Variants in DNAH11 observed in about 807,000 individuals in gnomAD.
DNAH11 encodes dynein axonemal heavy chain 11.
In DNAH11, 442 loss-of-function variants were observed where a neutral mutation model predicts 526.0. That is an observed-to-expected ratio of 0.84 (90% CI 0.78 to 0.91). The LOEUF is 0.91. Ranked by LOEUF, DNAH11 falls within the 40% of genes least tolerant of loss-of-function variation. DNAH11 has a pLI of 0.00. For missense variants in DNAH11, 6,989 were observed against 5,448.7 expected, an observed-to-expected ratio of 1.28 and a Z score of -8.90; for synonymous variants, 2,461 against 1,935.9, an observed-to-expected ratio of 1.27 and a Z score of -7.12.
At position 21,808,033 on chromosome 7, in the gene DNAH11, C is replaced by G; in HGVS notation, c.10316C>G (p.Pro3439Arg). 1 of 1,543,728 alleles carries G rather than the reference C, an allele frequency of 6.5e-7. No homozygotes were observed. The highest frequency in any genetic ancestry group is 8.8e-7 in the Non-Finnish European group (1 of 1,133,582). Reference sequence around the variant, plus strand: ...GAGCTGGTGCACTGCAAGTGGGTTCCCTTTCTTCAACAGAAGGTAAGTTCA... The same window carrying G: ...GAGCTGGTGCACTGCAAGTGGGTTCGCTTTCTTCAACAGAAGGTAAGTTCA... ...RQELVHCKWV[P>R]FLQQKVSIPL... Residue 3439 changes from proline (P) to arginine (R), a missense_variant, in exon 63 of 82, where the codon CCC becomes CGC. Pro to Arg is a moderately radical substitution (Grantham distance 103). Coordinates refer to ENST00000409508, the MANE Select transcript of DNAH11 (RefSeq NM_001277115.2).
At chr7:21,766,155 A>T (rs893284037) in intron 55 of DNAH11, among the ~76,000 whole-genome samples, 1 of 152,196 alleles carries the variant, frequency 6.6e-6, no homozygotes, top group South Asian at 2.1e-4. Context: ...TTTCTTCATG[A>T]TGACAAATTT....
intron 30 of DNAH11, among the ~76,000 whole-genome samples, chr7:21,680,423 AT>A (rs1449937247): frequency 6.6e-6 from 1 of 152,234 alleles, no homozygotes; most frequent in East Asian, 1.9e-4. Context: ...TAAGGCAGAA[AT>A]CTTTTTGTGT....
In DNAH11 at chr7:21,735,820, T is replaced by C. The variant is rs748188390; in HGVS notation, c.7621T>C (p.Tyr2541His). ...AGTATCCCGTGTGCCTTTCAACTACTACACGACATCCACAGCTCTGCAAAG... is the reference window on the plus strand; with the variant it reads ...AGTATCCCGTGTGCCTTTCAACTACCACACGACATCCACAGCTCTGCAAAG... ...YIVSRVPFNY[Y>H]TTSTALQKIL... The change falls in exon 46 of 82, where the codon TAC becomes CAC. Residue 2541 changes from tyrosine to histidine, a missense_variant. By Grantham distance (83) the Tyr-to-His change is moderately conservative. Transcript: ENST00000409508. 1 of 1,612,514 alleles carries C rather than the reference T, an allele frequency of 6.2e-7. No homozygotes were observed. The highest frequency in any genetic ancestry group is 8.5e-7 in the Non-Finnish European group (1 of 1,178,868).
At chr7:21,558,721 T>A (rs1783319861) in intron 2 of DNAH11, 81 bp from the exon 3 acceptor site, 2 of 1,091,934 alleles carry the variant, frequency 1.8e-6, no homozygotes, top group Non-Finnish European at 2.6e-6. Context: ...GACAGTTTTG[T>A]TGCCAATTTT....
At chr7:21,654,007 C>A (rs765143556) in intron 28 of DNAH11, among the ~76,000 whole-genome samples, 1 of 152,198 alleles carries the variant, frequency 6.6e-6, no homozygotes, top group South Asian at 2.1e-4. Context: ...TTTGTTACAG[C>A]AGTGGCGCCT....
intron 73 of DNAH11, among the ~76,000 whole-genome samples, chr7:21,870,800 T>G (rs1783467359): frequency 6.6e-6 from 1 of 152,238 alleles, no homozygotes; most frequent in Non-Finnish European, 1.5e-5. Flanking sequence ...TGATTTTTGT[T>G]GTTAGAGCTA....
At chr7:21,717,358 A>G (rs1784706792) in intron 42 of DNAH11, among the ~76,000 whole-genome samples, 1 of 152,246 alleles carries the variant, frequency 6.6e-6, no homozygotes, top group Middle Eastern at 3.4e-3. Context: ...TCATCTTTTT[A>G]TTCGTAACTG....
Position 21,807,930 on chromosome 7 carries a change from A to G in DNAH11, c.10213A>G (p.Lys3405Glu), listed in dbSNP as rs751205129. ...QSIKSFEAQE[K>E]TLCGDVLLTA... The stretch of plus-strand genomic sequence containing the variant: ...CATTAAGTCCTTTGAAGCTCAAGAG[A>G]AGACACTCTGTGGAGATGTTCTTCT... Residue 3405 changes from lysine (K) to glutamate (E), a missense_variant, in exon 63 of 82, where the codon AAG becomes GAG. Coordinates refer to ENST00000409508, the MANE Select transcript of DNAH11 (RefSeq NM_001277115.2). 1 of 1,609,328 alleles carries G rather than the reference A, an allele frequency of 6.2e-7. No individual in the cohort carries two copies. The highest frequency in any genetic ancestry group is 1.7e-5 in the Admixed American group (1 of 59,952).
At chr7:21,587,609 ATGGTGACTGGCACATC>A (rs1350729016) in intron 9 of DNAH11, among the ~76,000 whole-genome samples, 3 of 152,164 alleles carry the variant, frequency 2.0e-5, no homozygotes, top group African/African-American at 7.2e-5. Flanking sequence ...GCATGCAGTC[ATGGTGACTGGCACATC>A]TGGTATAATT....
At chr7:21,749,401 C>T (rs1324397668) in intron 52 of DNAH11, among the ~76,000 whole-genome samples, 1 of 152,170 alleles carries the variant, frequency 6.6e-6, no homozygotes, top group Non-Finnish European at 1.5e-5. Context: ...CACTTGTACA[C>T]AGTGAGAAGG....
At chr7:21,691,755 G>A (rs1474371342) in intron 35 of DNAH11, among the ~76,000 whole-genome samples, 1 of 151,982 alleles carries the variant, frequency 6.6e-6, no homozygotes, top group Non-Finnish European at 1.5e-5. Context: ...ATCATTTTAT[G>A]TAGCTCTAAA....
Position 21,726,291 on chromosome 7 carries a change from T to C in DNAH11, c.7440+307T>C, listed in dbSNP as rs2074764. Among the ~76,000 whole-genome samples the C allele has an allele frequency of 0.61, 91,953 of 151,540 alleles. 27,997 individuals are homozygous for C. Among genetic ancestry groups the C allele is most frequent in the South Asian group, 0.74 (3,544 of 4,808 alleles). ...CACTTTCATTAGAATAGTACCAAGATGGATGGTGCTAAACCATTTATGAGA... is the reference window on the plus strand; with the variant it reads ...CACTTTCATTAGAATAGTACCAAGACGGATGGTGCTAAACCATTTATGAGA... On this transcript the variant is annotated intron_variant, in intron 45 of 81. Coordinates refer to ENST00000409508, the MANE Select transcript of DNAH11 (RefSeq NM_001277115.2).
chr7:21,792,321 T>C (rs1014731887), intron 61 of DNAH11, among the ~76,000 whole-genome samples: 1 of 152,218 alleles, frequency 6.6e-6, no homozygotes, highest in African/African-American at 2.4e-5. Context: ...TGCTCGTATT[T>C]TGTTGAGAAT....
At chr7:21,835,892 C>G (rs1006895036) in intron 65 of DNAH11, among the ~76,000 whole-genome samples, 5 of 147,456 alleles carry the variant, frequency 3.4e-5, no homozygotes, top group African/African-American at 1.2e-4. Flanking sequence ...ACCGTTAGAA[C>G]TAATAAACAA....
chr7:21,816,430 C>T lies in DNAH11; in HGVS notation c.10333-37C>T, dbSNP rs746066334. The T allele has an allele frequency of 6.6e-6, 10 of 1,507,486 alleles. No individual in the cohort carries two copies. The Admixed American group carries it at 1.7e-4, about 26-fold the overall frequency. The allele number at this position is 1,507,486 out of a possible 1,614,324, so 93.4% of individuals were successfully genotyped here. Reference sequence around the variant, plus strand: ...TCTTGTCTGTCTTCTCTCTCTGCCACATGACCAATTTGTTGCATTCAACTC... The same window carrying T: ...TCTTGTCTGTCTTCTCTCTCTGCCATATGACCAATTTGTTGCATTCAACTC... On this transcript the variant is annotated intron_variant, in intron 63 of 81. Coordinates refer to ENST00000409508, the MANE Select transcript of DNAH11 (RefSeq NM_001277115.2).
At chr7:21,849,201 A>G (rs1456324229) in intron 66 of DNAH11, among the ~76,000 whole-genome samples, 2 of 152,148 alleles carry the variant, frequency 1.3e-5, no homozygotes, top group African/African-American at 2.4e-5. Flanking sequence ...TCCATTTTCA[A>G]ATAACACTAC....
At chr7:21,787,312 G>C in intron 59 of DNAH11, 89 bp from the exon 60 acceptor site, 1 of 1,343,044 alleles carries the variant, frequency 7.4e-7, no homozygotes, top group Non-Finnish European at 1.0e-6. Flanking sequence ...TTTGTAATGT[G>C]AGTCCTAAAA....
intron 45 of DNAH11, among the ~76,000 whole-genome samples, chr7:21,735,399 A>G (rs1397174675): frequency 2.0e-5 from 3 of 152,192 alleles, no homozygotes; most frequent in African/African-American, 4.8e-5. Flanking sequence ...TGTTTACTTT[A>G]TGGTACTTTG....
In DNAH11 at chr7:21,591,415, G is replaced by A. The variant is rs1452596744; in HGVS notation, c.2505G>A (p.Lys835=). The A allele has an allele frequency of 6.2e-7, 1 of 1,613,952 alleles. No individual in the cohort carries two copies. The highest frequency in any genetic ancestry group is 2.2e-5 in the East Asian group (1 of 44,872). ...HRVERTQKNV[K]VIQQTMRGWA... ...TTGAGCGCACACAGAAAAACGTGAA[G>A]GTGATCCAGCAGACCATGAGGGGCT... Residue 835 remains lysine, a synonymous_variant, in exon 14 of 82, where the codon AAG becomes AAA. Coordinates refer to ENST00000409508, the MANE Select transcript of DNAH11 (RefSeq NM_001277115.2).
Sources: gnomAD v4.1 joint callset for allele counts (sites outside exome capture counted in the v4.1 genomes callset) on GRCh38, gnomAD v4.1.1 for gene constraint, MANE v1.5 for transcripts, NCBI Gene and HGNC (gene_info 2026-07-23, HGNC 2026-07-21) for gene names.